Variants in RELCH observed in about 807,000 individuals in gnomAD.
RELCH encodes the protein RAB11 binding and LisH domain, coiled-coil and HEAT repeat containing, also known as RAB11-binding protein RELCH.
A neutral mutation model predicts 150.3 loss-of-function variants in RELCH; 41 were observed. The observed-to-expected ratio is 0.27, with a 90% CI of 0.21 to 0.35. The LOEUF is 0.35. RELCH is among the 10% of genes least tolerant of loss of function. The probability of loss-of-function intolerance (pLI) is 1.00; values close to 1 mark genes in which losing one functional copy is unlikely to be tolerated. For missense variants in RELCH, 1,092 were observed against 1,467.8 expected (o/e 0.74, Z 4.18); for synonymous variants, 478 against 531.8 (o/e 0.90, Z 1.39).
intron 11 of RELCH, among the ~76,000 whole-genome samples, chr18:62,245,384 G>A (rs1600054410): frequency 1.3e-5 from 2 of 152,266 alleles, no homozygotes; most frequent in East Asian, 3.9e-4. Context: ...AGGACTTTGG[G>A]AGGCGGAGGC....
At chr18:62,278,566 A>G (rs1421487687) in intron 22 of RELCH, among the ~76,000 whole-genome samples, 1 of 152,106 alleles carries the variant, frequency 6.6e-6, no homozygotes, top group Non-Finnish European at 1.5e-5. Flanking sequence ...ACAATGGTAG[A>G]TTTTTGTTAC....
At chr18:62,282,257 C>T (rs1348275462) in intron 24 of RELCH, 49 bp from the exon 25 acceptor site, 7 of 1,528,944 alleles carry the variant, frequency 4.6e-6, no homozygotes, top group African/African-American at 1.4e-5. Context: ...AACAACACTA[C>T]TCAGTTTTCA....
chr18:62,211,859 A>T (rs1050395985), intron 2 of RELCH, among the ~76,000 whole-genome samples: 1 of 152,184 alleles, frequency 6.6e-6, no homozygotes, highest in South Asian at 2.1e-4. Context: ...GAGTTCCCTG[A>T]GTGCTCACCA....
intron 2 of RELCH, among the ~76,000 whole-genome samples, chr18:62,215,755 T>A (rs2040439238): frequency 1.3e-5 from 2 of 152,110 alleles, no homozygotes. Flanking sequence ...TCAGGATGTA[T>A]CACATAGAGG....
Position 62,245,253 on chromosome 18 carries a change from A to T in RELCH, c.1733+377A>T, listed in dbSNP as rs182207304. Among the ~76,000 whole-genome samples, 235 of 152,356 alleles carry T rather than the reference A, an allele frequency of 1.5e-3. 1 individual carries two copies. The highest frequency in any genetic ancestry group is 5.3e-3 in the African/African-American group (219 of 41,580). On this transcript the variant is annotated intron_variant, in intron 11 of 28. Coordinates refer to ENST00000644646, the MANE Select transcript of RELCH (RefSeq NM_001346231.2). ...TATGTATAAATCCTACTAAGACCTG[A>T]TTACTTATCACCTGCTATAATTACT...
intron 2 of RELCH, chr18:62,220,831 A>G (rs1352874207): frequency 3.4e-6 from 2 of 584,572 alleles, no homozygotes; most frequent in Non-Finnish European, 3.0e-6. Context: ...CCTGAATTCT[A>G]CTAAAACTAT....
In RELCH at chr18:62,221,230, C is replaced by G; in HGVS notation, c.700C>G (p.Pro234Ala). Residue 234 changes from proline (P) to alanine (A), a missense_variant, in exon 4 of 29, where the codon CCT becomes GCT. Physicochemically the swap from Pro to Ala is conservative, Grantham distance 27. Around this residue, in one of 4 missense-constraint regions of RELCH, gnomAD observed 190 missense variants for 276.2 expected, o/e 0.69. Coordinates refer to ENST00000644646, the MANE Select transcript of RELCH (RefSeq NM_001346231.2). ...TTTTTTTCCACCAGAACATGAAGTTCCTTTACAGGAACGAAAAAATTACAA... is the reference window on the plus strand; with the variant it reads ...TTTTTTTCCACCAGAACATGAAGTTGCTTTACAGGAACGAAAAAATTACAA... ...NLTKAAEHEVPLQERKNYKSS... is the reference protein window; with the variant it reads ...NLTKAAEHEVALQERKNYKSS... 1 of 1,610,664 alleles carries G rather than the reference C, an allele frequency of 6.2e-7. No individual in the cohort carries two copies. Among genetic ancestry groups the G allele is most frequent in the Non-Finnish European group, 8.5e-7 (1 of 1,177,538 alleles).
intron 1 of RELCH, among the ~76,000 whole-genome samples, chr18:62,208,542 G>T (rs937378668): frequency 6.6e-6 from 1 of 151,974 alleles, no homozygotes; most frequent in Non-Finnish European, 1.5e-5. Flanking sequence ...GGGTGCATGT[G>T]CAGGTTTGTT....
chr18:62,233,798 GT>G (rs2041725460), intron 10 of RELCH, among the ~76,000 whole-genome samples: 1 of 151,690 alleles, frequency 6.6e-6, no homozygotes. Context: ...ATGAAATTCA[GT>G]TTTAGCTTTT....
intron 5 of RELCH, among the ~76,000 whole-genome samples, chr18:62,222,140 G>A (rs1290973846): frequency 6.6e-6 from 1 of 151,838 alleles, no homozygotes; most frequent in Non-Finnish European, 1.5e-5. Context: ...GAATCTGAAG[G>A]CCATCATTTT....
chr18:62,187,669 T>C lies in RELCH; in HGVS notation c.164T>C (p.Leu55Pro), dbSNP rs1292946832. 2 of 1,566,280 alleles carry C rather than the reference T, an allele frequency of 1.3e-6. No homozygotes were observed. The highest frequency in any genetic ancestry group is 1.7e-6 in the Non-Finnish European group (2 of 1,152,900). The change falls in exon 1 of 29, where the codon CTG becomes CCG. Residue 55 changes from leucine to proline, a missense_variant. Coordinates refer to ENST00000644646, the MANE Select transcript of RELCH (RefSeq NM_001346231.2). ...CTAGATCCTGGCTCTGCGGGCTCGCTGTCGCCACAGGATCCCGTGGCCTTA... is the reference window on the plus strand; with the variant it reads ...CTAGATCCTGGCTCTGCGGGCTCGCCGTCGCCACAGGATCCCGTGGCCTTA... ...SGLDPGSAGSLSPQDPVALGS... is the reference protein window; with the variant it reads ...SGLDPGSAGSPSPQDPVALGS...
At chr18:62,216,250 T>C (rs886407978) in intron 2 of RELCH, among the ~76,000 whole-genome samples, 6 of 152,142 alleles carry the variant, frequency 3.9e-5, no homozygotes, top group African/African-American at 1.4e-4. Flanking sequence ...ACAAGATAGA[T>C]AACGTTTCTG....
In RELCH at chr18:62,187,958, G is replaced by T. The variant is rs750205484; in HGVS notation, c.453G>T (p.Gly151=). 7.5e-6 allele frequency: 12 copies of T among 1,599,748 alleles called. No individual in the cohort carries two copies. Among genetic ancestry groups the T allele is most frequent in the Non-Finnish European group, 1.0e-5 (12 of 1,174,184 alleles). ...SGTPPGMGAP[G]VPGAAGVGGA... ...CCCCGCCGGGGATGGGGGCGCCAGGGGTCCCTGGAGCAGCCGGCGTTGGGG... is the reference window on the plus strand; with the variant it reads ...CCCCGCCGGGGATGGGGGCGCCAGGTGTCCCTGGAGCAGCCGGCGTTGGGG... Residue 151 remains glycine (G), a synonymous_variant, in exon 1 of 29, where the codon GGG becomes GGT. Coordinates refer to ENST00000644646, the MANE Select transcript of RELCH (RefSeq NM_001346231.2).
chr18:62,296,146 A>T (rs1026459840), intron 27 of RELCH, among the ~76,000 whole-genome samples: 1 of 152,226 alleles, frequency 6.6e-6, no homozygotes, highest in Non-Finnish European at 1.5e-5. Context: ...GTGGCATTTG[A>T]AAAGAATATA....
intron 2 of RELCH, among the ~76,000 whole-genome samples, chr18:62,215,628 A>G (rs950816414): frequency 3.9e-5 from 6 of 152,204 alleles, no homozygotes; most frequent in African/African-American, 1.4e-4. Flanking sequence ...TAATCTTGTT[A>G]GGAATGCTGC....
At chr18:62,282,559 C>T (rs1195222737) in intron 25 of RELCH, 115 bp downstream of exon 25, 1 of 967,752 alleles carries the variant, frequency 1.0e-6, no homozygotes, top group African/African-American at 1.7e-5. Context: ...GTGTTAAAGC[C>T]TTGTGTACTG....
chr18:62,244,575 C>T (rs1210946662), intron 10 of RELCH, among the ~76,000 whole-genome samples, 189 bp from the exon 11 acceptor site: 1 of 152,162 alleles, frequency 6.6e-6, no homozygotes, highest in Non-Finnish European at 1.5e-5. Context: ...TACATTTCCT[C>T]CACAACCAAC....
At chr18:62,243,198 C>G (rs1353825455) in intron 10 of RELCH, among the ~76,000 whole-genome samples, 2 of 152,082 alleles carry the variant, frequency 1.3e-5, no homozygotes, top group Non-Finnish European at 2.9e-5. Context: ...ATGGAATCAA[C>G]TAAGGATTAG....
chr18:62,250,887 A>C (rs2042669114), intron 11 of RELCH, among the ~76,000 whole-genome samples: 1 of 152,204 alleles, frequency 6.6e-6, no homozygotes, highest in South Asian at 2.1e-4. Flanking sequence ...TAAGCATTCT[A>C]TTTTGGTTTT....
Sources: allele counts gnomAD v4.1 joint callset (sites outside exome capture counted in the v4.1 genomes callset), GRCh38; gene constraint gnomAD v4.1.1; regional missense constraint gnomAD v4.1.1; transcripts MANE v1.5; gene names NCBI Gene and HGNC (gene_info 2026-07-23, HGNC 2026-07-21).